Variants in L2HGDH observed in about 807,000 individuals in gnomAD.
L2HGDH encodes L-2-hydroxyglutarate dehydrogenase, also known as L-2-hydroxyglutarate dehydrogenase, mitochondrial.
In L2HGDH, 34 loss-of-function variants were observed where a neutral mutation model predicts 51.5. The observed-to-expected ratio is 0.66, with a 90% confidence interval of 0.50 to 0.88. The LOEUF is 0.88. Among genes scored for constraint, L2HGDH ranks in the 40% least tolerant of loss-of-function variants. L2HGDH has a pLI of 0.00. For missense variants in L2HGDH, 558 were observed against 571.9 expected (o/e 0.98, Z 0.25); for synonymous variants, 198 against 197.9 (o/e 1.00, Z -0.01).
intron 3 of L2HGDH, among the ~76,000 whole-genome samples, chr14:50,300,321 G>A (rs1218542134): frequency 1.3e-5 from 2 of 152,122 alleles, no homozygotes; most frequent in African/African-American, 2.4e-5. Context: ...TTGAGACAGA[G>A]TCTCACTCTG....
intron 9 of L2HGDH, among the ~76,000 whole-genome samples, chr14:50,259,474 T>G (rs1888883970): frequency 6.7e-6 from 1 of 149,492 alleles, no homozygotes; most frequent in African/African-American, 2.5e-5. Context: ...CCTCTCAAAG[T>G]GCTGAGATTA....
chr14:50,249,745 T>C (rs1888227332), intron 9 of L2HGDH, among the ~76,000 whole-genome samples: 1 of 151,656 alleles, frequency 6.6e-6, no homozygotes, highest in African/African-American at 2.4e-5. Context: ...GTGGCTACAG[T>C]GAAAGACTCC....
intron 4 of L2HGDH, among the ~76,000 whole-genome samples, chr14:50,291,197 C>CAAAAAAAAAAAAAAAA (rs1159640500): frequency 3.3e-5 from 1 of 30,644 alleles, no homozygotes; most frequent in African/African-American, 8.4e-5. Context: ...GACTCCGTCT[C>CAAAAAAAAAAAAAAAA]AAAAAAAAAA....
At chr14:50,281,565 C>T (rs1398873134) in intron 5 of L2HGDH, among the ~76,000 whole-genome samples, 1 of 151,756 alleles carries the variant, frequency 6.6e-6, no homozygotes, top group African/African-American at 2.4e-5. Flanking sequence ...GCACCCCAGC[C>T]GGGGCAACAA....
At chr14:50,272,524 G>T (rs1225253983) in intron 6 of L2HGDH, among the ~76,000 whole-genome samples, 1 of 152,156 alleles carries the variant, frequency 6.6e-6, no homozygotes, top group African/African-American at 2.4e-5. Context: ...GAACTTTAGG[G>T]TTTTTGGAGG....
intron 5 of L2HGDH, chr14:50,282,378 G>A (rs1566524419): frequency 2.2e-6 from 1 of 447,972 alleles, no homozygotes; most frequent in Non-Finnish European, 4.5e-6. Context: ...CCTTCCTGTT[G>A]TGCTTCATAG....
chr14:50,302,954 GA>G lies in L2HGDH; in HGVS notation c.203del (p.Ile68ThrfsTer18). ...CAATAGAAAGTGATGGATGTCGCAG[GA>G]TGAGTGCTCTGGCAGAGGCAAGCCC... The part of the protein sequence containing the change: ...IVGLASARAL[I>X]LRHPSLSIGV... On this transcript the variant is annotated frameshift_variant, in exon 2 of 10. Transcript: ENST00000267436. LOFTEE classifies it high-confidence loss of function. 6.2e-7 allele frequency: 1 copy of G among 1,614,004 alleles called. No homozygotes were observed. The highest frequency in any genetic ancestry group is 8.5e-7 in the Non-Finnish European group (1 of 1,179,912).
At chr14:50,308,026 G>GA (rs2030830434) in intron 1 of L2HGDH, among the ~76,000 whole-genome samples, 1 of 152,064 alleles carries the variant, frequency 6.6e-6, no homozygotes, top group Non-Finnish European at 1.5e-5. Context: ...TAAGAAATTG[G>GA]AAAAAAATAC....
chr14:50,302,249 G>T, intron 2 of L2HGDH, 81 bp from the exon 3 acceptor site: 1 of 1,425,656 alleles, frequency 7.0e-7, no homozygotes, highest in Non-Finnish European at 9.9e-7. Context: ...ACTTATAGTT[G>T]AAGCTATTAG....
Position 50,312,078 on chromosome 14 carries a change from C to T in L2HGDH, c.73G>A (p.Gly25Arg). ...CTCCCAGACGCGAACCCGCACGCCC[C>T]AGGGGAGCCACCGGCGAAAAGCCCG... ...ARGLFAGGSPGACGFASGRPR... is the reference protein window; with the variant it reads ...ARGLFAGGSPRACGFASGRPR... The change falls in exon 1 of 10, where the codon GGG becomes AGG. Residue 25 changes from glycine to arginine, a missense_variant. Transcript: ENST00000267436. 2 of 1,603,978 alleles carry T rather than the reference C, an allele frequency of 1.2e-6. No homozygotes were observed. Among genetic ancestry groups the T allele is most frequent in the Non-Finnish European group, 1.7e-6 (2 of 1,176,462 alleles).
Position 50,287,255 on chromosome 14 carries a change from G to C in L2HGDH, c.541-3222C>G, listed in dbSNP as rs149019001. ...CCATAACTTTTACAACATCTGAAAAGTTTTGTTTTTTTCAGTAATGCATAA... is the reference window on the plus strand; with the variant it reads ...CCATAACTTTTACAACATCTGAAAACTTTTGTTTTTTTCAGTAATGCATAA... On this transcript the variant is annotated intron_variant, in intron 4 of 9. Transcript: ENST00000267436. 10 of 984,496 alleles carry C rather than the reference G, an allele frequency of 1.0e-5. No individual in the cohort carries two copies. The African/African-American group carries it at 1.7e-4, about 17-fold the overall frequency. 61.0% of individuals were successfully genotyped at this position (984,496 alleles called of 1,614,324 possible).
chr14:50,248,109 T>G (rs1212915735), intron 9 of L2HGDH, among the ~76,000 whole-genome samples: 1 of 152,188 alleles, frequency 6.6e-6, no homozygotes, highest in Non-Finnish European at 1.5e-5. Flanking sequence ...CTGATAATCT[T>G]TATTACTTAA....
chr14:50,274,273 T>C (rs1889851265), intron 6 of L2HGDH, among the ~76,000 whole-genome samples: 1 of 142,802 alleles, frequency 7.0e-6, no homozygotes. Context: ...AGACCCTGTC[T>C]CAAAAAAAAA....
intron 1 of L2HGDH, among the ~76,000 whole-genome samples, 174 bp from the exon 2 acceptor site, chr14:50,303,191 A>AG (rs1319346203): frequency 6.6e-5 from 10 of 152,150 alleles, no homozygotes; most frequent in African/African-American, 9.7e-5. Context: ...TGAGTGGCCG[A>AG]GGGGGGCGGA....
At chr14:50,290,403 AT>A (rs1160392204) in intron 4 of L2HGDH, among the ~76,000 whole-genome samples, 2 of 152,176 alleles carry the variant, frequency 1.3e-5, no homozygotes, top group African/African-American at 2.4e-5. Context: ...ACATATTCAA[AT>A]TTGATTAAAT....
At chr14:50,250,788 C>G (rs1888303267) in intron 9 of L2HGDH, among the ~76,000 whole-genome samples, 1 of 152,210 alleles carries the variant, frequency 6.6e-6, no homozygotes, top group Non-Finnish European at 1.5e-5. Context: ...TCTTCTGGAT[C>G]TTATCCAAGA....
chr14:50,284,866 C>T (rs909634551), intron 4 of L2HGDH, among the ~76,000 whole-genome samples: 1 of 152,212 alleles, frequency 6.6e-6, no homozygotes. Flanking sequence ...AAAATAATAT[C>T]TGATATAATA....
rs17122334 is a variant in L2HGDH at position 50,268,463 on chromosome 14, A to G, written c.907-553T>C. ...ATCTATGCATCTTTCTGGGTAAAGG[A>G]AAAAAAAAAGATGAACTGTCTTACT... is the stretch of plus-strand genomic sequence containing the variant. On this transcript the variant is annotated intron_variant, in intron 7 of 9. Transcript: ENST00000267436. Among the ~76,000 whole-genome samples, 121 of 148,830 alleles carry G rather than the reference A, an allele frequency of 8.1e-4. No homozygotes were observed. The East Asian group carries it at 0.019, about 23-fold the overall frequency.
At chr14:50,298,517 G>A (rs1282832270) in intron 3 of L2HGDH, among the ~76,000 whole-genome samples, 1 of 151,864 alleles carries the variant, frequency 6.6e-6, no homozygotes, top group East Asian at 1.9e-4. Context: ...GTTTCTCCAC[G>A]TTGGTCAGTC....
Sources: gnomAD v4.1 joint callset for allele counts (sites outside exome capture counted in the v4.1 genomes callset) on GRCh38, gnomAD v4.1.1 for gene constraint, MANE v1.5 for transcripts, NCBI Gene and HGNC (gene_info 2026-07-23, HGNC 2026-07-21) for gene names.